Variants in NFAT5 observed in about 807,000 individuals in gnomAD.
The protein encoded by NFAT5 is nuclear factor of activated T-cells 5.
NFAT5 carries 31 observed loss-of-function variants against 166.5 expected under a neutral mutation model. The observed-to-expected ratio is 0.19, with a 90% CI of 0.14 to 0.25. NFAT5 has a LOEUF of 0.25. Ranked by LOEUF, NFAT5 falls within the 10% of genes least tolerant of loss-of-function variation. The pLI is 1.00. For missense variants in NFAT5, 1,449 were observed against 1,821.8 expected (o/e 0.80, Z 3.72); for synonymous variants, 612 against 639.7 (o/e 0.96, Z 0.65).
At chr16:69,598,973 C>G (rs548127853) in intron 2 of NFAT5, among the ~76,000 whole-genome samples, 1 of 147,370 alleles carries the variant, frequency 6.8e-6, no homozygotes, top group Non-Finnish European at 1.5e-5. Context: ...GAAATGGCGC[C>G]ACTGTACTCC....
chr16:69,667,069 A>G (rs2036414151), intron 7 of NFAT5, among the ~76,000 whole-genome samples: 1 of 151,292 alleles, frequency 6.6e-6, no homozygotes, highest in Non-Finnish European at 1.5e-5. Flanking sequence ...AACTATCGCA[A>G]GAACAAAAAA....
Position 69,703,085 on chromosome 16 carries a change from G to A in NFAT5, c.*6734G>A, listed in dbSNP as rs1452651678. On this transcript the variant is annotated 3_prime_UTR_variant, in exon 15 of 15. Transcript: ENST00000349945. ...TATCCATAAAATGGGTACATTATGGGCAGTGTAATACAAGCTTTCTTTTCA... is the reference window on the plus strand; with the variant it reads ...TATCCATAAAATGGGTACATTATGGACAGTGTAATACAAGCTTTCTTTTCA... 2.0e-5 allele frequency: 3 copies of A among 152,580 alleles called. No homozygotes were observed. Among genetic ancestry groups the A allele is most frequent in the Non-Finnish European group, 4.4e-5 (3 of 68,030 alleles). The allele number at this position is 152,580 out of a possible 1,614,324, so 9.5% of individuals were successfully genotyped here. A position where few individuals can be genotyped will look rare whatever the true frequency, so the allele number is the denominator to read the frequency against.
chr16:69,656,339 G>T (rs547877696), intron 6 of NFAT5, among the ~76,000 whole-genome samples: 2 of 150,314 alleles, frequency 1.3e-5, no homozygotes, highest in African/African-American at 4.9e-5. Context: ...TCAAAGCCAA[G>T]TGGAAAGCTG....
chr16:69,645,366 C>G (rs2151618372), intron 3 of NFAT5, among the ~76,000 whole-genome samples: 1 of 152,226 alleles, frequency 6.6e-6, no homozygotes, highest in Non-Finnish European at 1.5e-5. Context: ...CTGGTATCAT[C>G]TAATTTCTTT....
At chr16:69,661,036 C>T (rs1275980922) in intron 7 of NFAT5, among the ~76,000 whole-genome samples, 1 of 150,358 alleles carries the variant, frequency 6.7e-6, no homozygotes, top group Non-Finnish European at 1.5e-5. Flanking sequence ...TCTTGAACTC[C>T]TGACCTCAAA....
chr16:69,581,680 T>A (rs2031702400), intron 2 of NFAT5, among the ~76,000 whole-genome samples: 1 of 152,228 alleles, frequency 6.6e-6, no homozygotes, highest in African/African-American at 2.4e-5. Context: ...TAAATGTCTC[T>A]GATGACTAAT....
At chr16:69,629,269 G>A (rs1192381610) in intron 3 of NFAT5, among the ~76,000 whole-genome samples, 7 of 152,100 alleles carry the variant, frequency 4.6e-5, no homozygotes, top group African/African-American at 1.7e-4. Context: ...TTAAAGACTG[G>A]GCATATGAGT....
rs55719937 is a variant in NFAT5 at position 69,699,221 on chromosome 16, C to A, written c.*2870C>A. On this transcript the variant is annotated 3_prime_UTR_variant, in exon 15 of 15. Coordinates refer to ENST00000349945, the MANE Select transcript of NFAT5 (RefSeq NM_138713.4). ...TAATACTGCACTGTGGATGAAGTGG[C>A]GACTGGCTTGTGTGCTGACTTCTGT... is the stretch of plus-strand genomic sequence containing the variant. The A allele has an allele frequency of 3.9e-5, 6 of 153,170 alleles. No homozygotes were observed. The highest frequency in any genetic ancestry group is 1.4e-4 in the African/African-American group (6 of 41,426). 9.5% of individuals were successfully genotyped at this position (153,170 alleles called of 1,614,324 possible).
rs752270857 is a variant in NFAT5, at chr16:69,691,103, C to T, written c.1923+15C>T. 4 of 1,535,818 alleles carry T rather than the reference C, an allele frequency of 2.6e-6. No individual in the cohort carries two copies. The highest frequency in any genetic ancestry group is 2.6e-6 in the Non-Finnish European group (3 of 1,142,668). On this transcript the variant is annotated intron_variant, in intron 12 of 14. Transcript: ENST00000349945. ...CTATTTTTAAGGTAAGCTGTATTGA[C>T]TAGTGCACAAACCTCCTATATAAAA... is the stretch of plus-strand genomic sequence containing the variant.
At chr16:69,567,520 A>G (rs977332887) in intron 1 of NFAT5, among the ~76,000 whole-genome samples, 4 of 152,116 alleles carry the variant, frequency 2.6e-5, no homozygotes, top group African/African-American at 9.7e-5. Flanking sequence ...GTATCCATCC[A>G]TTTGCTTATT....
chr16:69,627,009 T>G (rs942087120), intron 3 of NFAT5, among the ~76,000 whole-genome samples: 13 of 152,002 alleles, frequency 8.6e-5, no homozygotes, highest in Non-Finnish European at 1.3e-4. Flanking sequence ...GACTTCGTAG[T>G]TTTCAATTTA....
chr16:69,567,306 T>G (rs2016124067), intron 1 of NFAT5, among the ~76,000 whole-genome samples: 1 of 152,198 alleles, frequency 6.6e-6, no homozygotes, highest in Non-Finnish European at 1.5e-5. Context: ...TGATCCCTAC[T>G]CAGGTGAAAT....
chr16:69,644,091 C>T (rs992617630), intron 3 of NFAT5, among the ~76,000 whole-genome samples: 3 of 152,068 alleles, frequency 2.0e-5, no homozygotes, highest in Non-Finnish European at 2.9e-5. Flanking sequence ...TTTGAGACCA[C>T]CTGGGCAGCA....
At chr16:69,662,561 G>A (rs1419355660) in intron 7 of NFAT5, among the ~76,000 whole-genome samples, 2 of 144,790 alleles carry the variant, frequency 1.4e-5, no homozygotes, top group African/African-American at 2.6e-5. Flanking sequence ...CCGGGTTCCC[G>A]CCATTCTCCT....
intron 2 of NFAT5, among the ~76,000 whole-genome samples, chr16:69,613,619 T>C (rs1022100910): frequency 3.0e-4 from 45 of 152,252 alleles, no homozygotes; most frequent in African/African-American, 1.0e-3. Flanking sequence ...GTCTGTCTGC[T>C]AAATAGCCAT....
At position 69,648,124 on chromosome 16, in the gene NFAT5, C is replaced by T. The variant is rs775742774; in HGVS notation, c.812+538C>T. The T allele has an allele frequency of 8.6e-5, 59 of 685,670 alleles. No homozygotes were observed. In the South Asian group the frequency reaches 2.6e-3, roughly 30 times the overall value. The allele number at this position is 685,670 out of a possible 1,614,324, so 42.5% of individuals were successfully genotyped here. ...CCAGGAGGCAGAGGTTGCAGTGAGC[C>T]GACATCACGCCACTGTACTCCAGCC... is the stretch of plus-strand genomic sequence containing the variant. On this transcript the variant is annotated intron_variant, in intron 4 of 14. Coordinates refer to ENST00000349945, the MANE Select transcript of NFAT5 (RefSeq NM_138713.4).
chr16:69,691,905 A>C lies in NFAT5; in HGVS notation c.2080A>C (p.Thr694Pro). The change falls in exon 13 of 15, where the codon ACA becomes CCA. Residue 694 changes from threonine (T) to proline (P), a missense_variant. Transcript: ENST00000349945. ...CAAGGCATACAACCCAGAGACCCTGACAACTATTCAAACCCAGGACATCTC... is the reference window on the plus strand; with the variant it reads ...CAAGGCATACAACCCAGAGACCCTGCCAACTATTCAAACCCAGGACATCTC... ...QPKAYNPETL[T>P]TIQTQDISQP... 1 of 1,614,196 alleles carries C rather than the reference A, an allele frequency of 6.2e-7. No individual in the cohort carries two copies. Among genetic ancestry groups the C allele is most frequent in the Non-Finnish European group, 8.5e-7 (1 of 1,180,042 alleles).
intron 2 of NFAT5, among the ~76,000 whole-genome samples, chr16:69,585,683 T>C (rs1006648401): frequency 3.3e-5 from 5 of 152,202 alleles, no homozygotes; most frequent in African/African-American, 1.2e-4. Context: ...TGCCACAGTA[T>C]GAATGACCCT....
At chr16:69,596,062 A>G (rs2032771012) in intron 2 of NFAT5, among the ~76,000 whole-genome samples, 1 of 152,192 alleles carries the variant, frequency 6.6e-6, no homozygotes, top group South Asian at 2.1e-4. Flanking sequence ...ATATTTTCTG[A>G]ACTTGGTTGA....
Sources: allele counts gnomAD v4.1 joint callset (sites outside exome capture counted in the v4.1 genomes callset), GRCh38; gene constraint gnomAD v4.1.1; transcripts MANE v1.5; gene names NCBI Gene and HGNC (gene_info 2026-07-23, HGNC 2026-07-21).